SUPV3L1: variants seen among roughly 807,000 people sequenced by gnomAD.
SUPV3L1 encodes the protein Suv3 like RNA helicase, also known as ATP-dependent RNA helicase SUPV3L1, mitochondrial.
Under a neutral mutation model 70.0 loss-of-function variants are expected in SUPV3L1, and 35 were observed. The ratio of observed to expected loss-of-function variants is 0.50; its 90% CI spans 0.38 to 0.66. The LOEUF (loss-of-function observed/expected upper bound fraction) is 0.66. Ranked by LOEUF, SUPV3L1 falls within the 30% of genes least tolerant of loss-of-function variation. The probability of loss-of-function intolerance (pLI) is 0.00; values close to 1 mark genes in which losing one functional copy is unlikely to be tolerated. For synonymous variants in SUPV3L1, 364 were observed against 341.9 expected (o/e 1.06, Z -0.71); for missense variants, 777 against 961.5 (o/e 0.81, Z 2.54).
chr10:69,195,081 A>AGTGATGGTGGTAGTG (rs1180098587), intron 6 of SUPV3L1, 107 bp from the exon 7 acceptor site: 3 of 751,166 alleles, frequency 4.0e-6, no homozygotes, highest in Non-Finnish European at 6.2e-6. Flanking sequence ...GAACCCAGTA[A>AGTGATGGTGGTAGTG]GTGATGGTGG....
In SUPV3L1 at chr10:69,208,836, C is replaced by G; in HGVS notation, c.2162C>G (p.Thr721Ser). The G allele has an allele frequency of 6.2e-7, 1 of 1,614,156 alleles. No individual in the cohort carries two copies. Among genetic ancestry groups the G allele is most frequent in the East Asian group, 2.2e-5 (1 of 44,884 alleles). The change falls in exon 15 of 15, where the codon ACT becomes AGT. Residue 721 changes from threonine to serine, a missense_variant. Thr to Ser is a moderately conservative substitution (Grantham distance 58, BLOSUM62 1). This residue lies in a region of SUPV3L1 where 619 missense variants were observed against 823.3 expected (regional missense o/e 0.75). Transcript: ENST00000359655. ...ACCAAAGCTCTAGGGAGTAAAGCTA[C>G]TGAGCCACCCAGCCCCGATGCAGGA... ...RGTKALGSKA[T>S]EPPSPDAGEL...
intron 1 of SUPV3L1, among the ~76,000 whole-genome samples, chr10:69,181,442 T>G (rs1021818580): frequency 1.3e-5 from 2 of 152,232 alleles, no homozygotes; most frequent in Non-Finnish European, 1.5e-5. Flanking sequence ...AGAGCAGAAG[T>G]ACAGTACTTT....
In SUPV3L1 at chr10:69,186,155, G is replaced by T. The variant is rs550588833; in HGVS notation, c.349+91G>T. Reference sequence around the variant, plus strand: ...GTACGACCCCTCATGTGACCTGGCTGTTGTAGTCTGGAGACACGTCCCTGC... The same window carrying T: ...GTACGACCCCTCATGTGACCTGGCTTTTGTAGTCTGGAGACACGTCCCTGC... On this transcript the variant is annotated intron_variant, in intron 2 of 14. Coordinates refer to ENST00000359655, the MANE Select transcript of SUPV3L1 (RefSeq NM_003171.5). The T allele has an allele frequency of 5.3e-4, 617 of 1,162,068 alleles. No individual in the cohort carries two copies. Among genetic ancestry groups the T allele is most frequent in the Non-Finnish European group, 7.0e-4 (552 of 793,078 alleles). The allele number at this position is 1,162,068 out of a possible 1,614,324, so 72.0% of individuals were successfully genotyped here. A position where few individuals can be genotyped will look rare whatever the true frequency, so the allele number is the denominator to read the frequency against.
chr10:69,196,349 A>G (rs1180155484), intron 7 of SUPV3L1, among the ~76,000 whole-genome samples: 1 of 152,050 alleles, frequency 6.6e-6, no homozygotes, highest in Non-Finnish European at 1.5e-5. Context: ...AAAATTAGCC[A>G]GGCGTGGTGG....
At chr10:69,201,445 A>G (rs918786741) in intron 11 of SUPV3L1, among the ~76,000 whole-genome samples, 4 of 152,148 alleles carry the variant, frequency 2.6e-5, no homozygotes, top group Non-Finnish European at 5.9e-5. Context: ...TGCCTTGGTT[A>G]AAGTGACTGG....
chr10:69,185,745 C>T (rs1198733174), intron 1 of SUPV3L1, among the ~76,000 whole-genome samples: 5 of 152,076 alleles, frequency 3.3e-5, no homozygotes, highest in Non-Finnish European at 7.4e-5. Context: ...CGTGATCCGC[C>T]CACCTCAGCC....
intron 5 of SUPV3L1, 135 bp downstream of exon 5, chr10:69,189,570 G>T (rs1174824843): frequency 5.0e-6 from 4 of 792,452 alleles, no homozygotes; most frequent in Non-Finnish European, 5.4e-6. Flanking sequence ...GCTGTCAATT[G>T]TAAGATGTAC....
intron 10 of SUPV3L1, 33 bp downstream of exon 10, chr10:69,199,230 T>C (rs1842621873): frequency 3.9e-6 from 6 of 1,541,454 alleles, no homozygotes; most frequent in Non-Finnish European, 5.3e-6. Context: ...GATGAATATT[T>C]GGTGAGTTAA....
chr10:69,191,190 T>C (rs1842383578), intron 5 of SUPV3L1, among the ~76,000 whole-genome samples: 1 of 151,962 alleles, frequency 6.6e-6, no homozygotes, highest in African/African-American at 2.4e-5. Context: ...GAGTGGCTCT[T>C]ATTTTACTTT....
intron 1 of SUPV3L1, among the ~76,000 whole-genome samples, chr10:69,184,964 A>G (rs1052202279): frequency 1.3e-5 from 2 of 152,260 alleles, no homozygotes; most frequent in Admixed American, 6.5e-5. Flanking sequence ...ATTTTAACAT[A>G]TACAACCATA....
intron 8 of SUPV3L1, among the ~76,000 whole-genome samples, chr10:69,198,040 T>C (rs1842587588): frequency 1.3e-5 from 2 of 152,204 alleles, no homozygotes; most frequent in Admixed American, 6.5e-5. Context: ...TAATTTTTTA[T>C]TGGGCTCAGT....
chr10:69,186,879 T>C (rs554662270), intron 3 of SUPV3L1, among the ~76,000 whole-genome samples: 1 of 152,222 alleles, frequency 6.6e-6, no homozygotes, highest in South Asian at 2.1e-4. Flanking sequence ...CAGGACAAAG[T>C]TCTTGCTATA....
At position 69,180,433 on chromosome 10, in the gene SUPV3L1, G is replaced by A. The variant is rs781223381; in HGVS notation, c.142G>A (p.Ala48Thr). The A allele has an allele frequency of 6.2e-7, 1 of 1,614,208 alleles. No individual in the cohort carries two copies. Among genetic ancestry groups the A allele is most frequent in the South Asian group, 1.1e-5 (1 of 91,086 alleles). The change falls in exon 1 of 15, where the codon GCC (alanine) becomes ACC (threonine). Residue 48 changes from alanine (A) to threonine (T), a missense_variant. Coordinates refer to ENST00000359655, the MANE Select transcript of SUPV3L1 (RefSeq NM_003171.5). ...GGGGCAAGTTTCTGTCCTTGCCACC[G>A]CCTCCTCCTCTGCCTCCGGTGGCTC... The part of the protein sequence containing the change: ...VLGQVSVLAT[A>T]SSSASGGSKI...
chr10:69,196,919 C>A, intron 7 of SUPV3L1, 73 bp from the exon 8 acceptor site: 1 of 1,323,850 alleles, frequency 7.6e-7, no homozygotes, highest in Non-Finnish European at 1.1e-6. Flanking sequence ...ACGTAAAGTA[C>A]TTTGGCTATG....
chr10:69,201,987 C>T (rs11818157), intron 11 of SUPV3L1, among the ~76,000 whole-genome samples: 6,234 of 151,716 alleles, frequency 0.041, 452 homozygotes, highest in African/African-American at 0.14. Flanking sequence ...ATTACAGGCA[C>T]GCAGCACCAC....
chr10:69,202,796 T>C, intron 12 of SUPV3L1, 71 bp from the exon 13 acceptor site: 12 of 1,445,086 alleles, frequency 8.3e-6, no homozygotes, highest in Non-Finnish European at 1.1e-5. Context: ...TTTATAGACT[T>C]GAGTATGTTA....
Position 69,209,052 on chromosome 10 carries a change from T to G in SUPV3L1, c.*17T>G. 3 of 1,524,186 alleles carry G rather than the reference T, an allele frequency of 2.0e-6. No homozygotes were observed. The highest frequency in any genetic ancestry group is 2.6e-6 in the Non-Finnish European group (3 of 1,140,434). 94.4% of individuals were successfully genotyped at this position (1,524,186 alleles called of 1,614,324 possible). On this transcript the variant is annotated 3_prime_UTR_variant, in exon 15 of 15. Coordinates refer to ENST00000359655, the MANE Select transcript of SUPV3L1 (RefSeq NM_003171.5). ...TCGGACTAGTTTTCTGTTCCTGTTTTTTTTTTTTTATTTAATTTTGCAAAT... is the reference window on the plus strand; with the variant it reads ...TCGGACTAGTTTTCTGTTCCTGTTTGTTTTTTTTTATTTAATTTTGCAAAT...
chr10:69,199,586 T>C (rs1842632119), intron 10 of SUPV3L1, among the ~76,000 whole-genome samples: 1 of 152,038 alleles, frequency 6.6e-6, no homozygotes, highest in Non-Finnish European at 1.5e-5. Flanking sequence ...TCTTACCCTG[T>C]TGCCCAAGCT....
At position 69,203,321 on chromosome 10, in the gene SUPV3L1, C is replaced by T. The variant is rs76221713; in HGVS notation, c.1776+278C>T. Among the ~76,000 whole-genome samples the T allele has an allele frequency of 7.9e-5, 12 of 152,222 alleles. No individual in the cohort carries two copies. In the East Asian group the frequency reaches 2.1e-3, roughly 27 times the overall value. On this transcript the variant is annotated intron_variant, in intron 13 of 14. Coordinates refer to ENST00000359655, the MANE Select transcript of SUPV3L1 (RefSeq NM_003171.5). ...ATGCAAATCTCTGACTTCTGAGAAGCACAGGATTCCTGGGGGCCAGGAAGG... is the reference window on the plus strand; with the variant it reads ...ATGCAAATCTCTGACTTCTGAGAAGTACAGGATTCCTGGGGGCCAGGAAGG...
Sources: gnomAD v4.1 joint callset for allele counts (sites outside exome capture counted in the v4.1 genomes callset) on GRCh38, gnomAD v4.1.1 for gene constraint, gnomAD v4.1.1 regional missense constraint, MANE v1.5 for transcripts, NCBI Gene and HGNC (gene_info 2026-07-23, HGNC 2026-07-21) for gene names.